LYPLAL1: variants seen among roughly 807,000 people sequenced by gnomAD.
The protein encoded by LYPLAL1 is lysophospholipase-like protein 1.
A neutral mutation model predicts 19.7 loss-of-function variants in LYPLAL1; 23 were observed. That is an observed-to-expected ratio of 1.17 (90% CI 0.84 to 1.65). LYPLAL1 has a LOEUF of 1.65. LYPLAL1 is among the 40% of genes most tolerant of loss of function. The pLI, the probability that LYPLAL1 is intolerant of heterozygous loss-of-function variation, is 0.00. For synonymous variants in LYPLAL1, 119 were observed against 96.3 expected (o/e 1.24, Z -1.38); for missense variants, 355 against 279.4 (o/e 1.27, Z -1.93).
chr1:219,233,009 C>G, the LYPLAL1 span, among the ~76,000 whole-genome samples: 3 of 152,096 alleles, frequency 2.0e-5, no homozygotes, highest in Non-Finnish European at 4.4e-5. Context: ...ATAGAATTAC[C>G]TTATGATCCA....
the LYPLAL1 span, among the ~76,000 whole-genome samples, chr1:219,373,452 G>A: frequency 6.6e-6 from 1 of 152,180 alleles, no homozygotes; most frequent in East Asian, 1.9e-4. Context: ...CAAAAGGGGT[G>A]TCTTGGTCTC....
chr1:219,253,781 G>A, the LYPLAL1 span, among the ~76,000 whole-genome samples: 1 of 151,974 alleles, frequency 6.6e-6, no homozygotes, highest in Admixed American at 6.6e-5. Context: ...TTCTATGAAG[G>A]TCTATCAGAT....
the LYPLAL1 span, among the ~76,000 whole-genome samples, chr1:219,303,135 T>G: frequency 6.6e-6 from 1 of 152,234 alleles, no homozygotes; most frequent in Non-Finnish European, 1.5e-5. Flanking sequence ...CTTCCCTAGG[T>G]CTTCCCTTGA....
the LYPLAL1 span, among the ~76,000 whole-genome samples, chr1:219,302,284 G>A: frequency 6.6e-6 from 1 of 152,092 alleles, no homozygotes; most frequent in Non-Finnish European, 1.5e-5. Flanking sequence ...GCCTAAATTA[G>A]TATTTTCCAA....
At chr1:219,348,959 C>G in the LYPLAL1 span, among the ~76,000 whole-genome samples, 1 of 152,296 alleles carries the variant, frequency 6.6e-6, no homozygotes, top group South Asian at 2.1e-4. Context: ...ACCATCTCAG[C>G]TATTATATCA....
chr1:219,329,751 G>A, the LYPLAL1 span, among the ~76,000 whole-genome samples: 1 of 152,114 alleles, frequency 6.6e-6, no homozygotes, highest in Non-Finnish European at 1.5e-5. Context: ...GAAATGCAAT[G>A]AACAATTTTC....
chr1:219,192,908 A>G (rs926779320), intron 2 of LYPLAL1, among the ~76,000 whole-genome samples, 174 bp from the exon 3 acceptor site: 1 of 151,766 alleles, frequency 6.6e-6, no homozygotes, highest in African/African-American at 2.4e-5. Context: ...AGATACAAGT[A>G]TGGGATAGTT....
At chr1:219,184,826 T>A (rs1420026208) in intron 2 of LYPLAL1, among the ~76,000 whole-genome samples, 3 of 151,924 alleles carry the variant, frequency 2.0e-5, no homozygotes, top group African/African-American at 7.2e-5. Flanking sequence ...TCTAAATTTG[T>A]TTTGCTAATA....
At chr1:219,373,356 C>G in the LYPLAL1 span, among the ~76,000 whole-genome samples, 1 of 152,132 alleles carries the variant, frequency 6.6e-6, no homozygotes, top group Non-Finnish European at 1.5e-5. Flanking sequence ...GTTGTCGGGG[C>G]TCAGTTTCAC....
chr1:219,332,514 T>A, the LYPLAL1 span, among the ~76,000 whole-genome samples: 1 of 152,120 alleles, frequency 6.6e-6, no homozygotes, highest in African/African-American at 2.4e-5. Flanking sequence ...CACTAAGTTT[T>A]GGGGTAGTTT....
the LYPLAL1 span, among the ~76,000 whole-genome samples, chr1:219,353,790 CAG>C: frequency 2.0e-5 from 3 of 151,982 alleles, no homozygotes; most frequent in Non-Finnish European, 2.9e-5. Flanking sequence ...GACCCATAAA[CAG>C]GGGAAACTTT....
At chr1:219,380,367 G>T in the LYPLAL1 span, among the ~76,000 whole-genome samples, 35 of 152,320 alleles carry the variant, frequency 2.3e-4, no homozygotes, top group South Asian at 3.3e-3. Flanking sequence ...CGGCACAGTT[G>T]GCGTAGCTTT....
the LYPLAL1 span, among the ~76,000 whole-genome samples, chr1:219,320,449 T>G: frequency 1.3e-5 from 2 of 152,200 alleles, no homozygotes; most frequent in Non-Finnish European, 2.9e-5. Context: ...TAATTTAATT[T>G]TATTATTATA....
At chr1:219,233,727 G>C in the LYPLAL1 span, among the ~76,000 whole-genome samples, 1 of 151,134 alleles carries the variant, frequency 6.6e-6, no homozygotes, top group Non-Finnish European at 1.5e-5. Context: ...CTTGTGATCT[G>C]CACCACTGCA....
the LYPLAL1 span, among the ~76,000 whole-genome samples, chr1:219,442,973 C>G: frequency 1.3e-5 from 2 of 152,048 alleles, no homozygotes; most frequent in African/African-American, 4.8e-5. Context: ...GAACTAAACA[C>G]TGACCAGCTG....
the LYPLAL1 span, among the ~76,000 whole-genome samples, chr1:219,230,556 T>A: frequency 2.0e-5 from 3 of 152,230 alleles, no homozygotes. Flanking sequence ...AAAAGAAAGA[T>A]ACAAGAAAAA....
In LYPLAL1 at chr1:219,210,598, G is replaced by A. The variant is rs143934381; in HGVS notation, c.428G>A (p.Gly143Glu). The change falls in exon 4 of 5, where the codon GGA becomes GAA. Residue 143 changes from glycine to glutamate, a missense_variant. Transcript: ENST00000366928. Reference protein sequence around the residue: ...LAYRNHQDVAGVFALSSFLNK... With the variant: ...LAYRNHQDVAEVFALSSFLNK... Reference sequence around the variant, plus strand: ...TATAGAAATCATCAAGATGTGGCAGGAGTATTTGCTCTTTCTAGTTTTCTG... The same window carrying A: ...TATAGAAATCATCAAGATGTGGCAGAAGTATTTGCTCTTTCTAGTTTTCTG... 250 of 1,610,486 alleles carry A rather than the reference G, an allele frequency of 1.6e-4. No individual in the cohort carries two copies. Among genetic ancestry groups the A allele is most frequent in the Non-Finnish European group, 1.9e-4 (229 of 1,177,916 alleles).
chr1:219,220,322 T>C, the LYPLAL1 span, among the ~76,000 whole-genome samples: 1 of 152,142 alleles, frequency 6.6e-6, no homozygotes, highest in Non-Finnish European at 1.5e-5. Flanking sequence ...TCCATATCTG[T>C]TAACCAGAAT....
the LYPLAL1 span, among the ~76,000 whole-genome samples, chr1:219,352,976 C>G: frequency 6.6e-6 from 1 of 152,230 alleles, no homozygotes; most frequent in Admixed American, 6.5e-5. Context: ...ACTTCTGATT[C>G]CAACTGTCAT....
Sources: gnomAD v4.1 joint callset for allele counts (sites outside exome capture counted in the v4.1 genomes callset) on GRCh38, gnomAD v4.1.1 for gene constraint, MANE v1.5 for transcripts, NCBI Gene and HGNC (gene_info 2026-07-23, HGNC 2026-07-21) for gene names.